FBXO39: variants seen among roughly 807,000 people sequenced by gnomAD.
FBXO39 encodes F-box only protein 39.
FBXO39 carries 22 observed loss-of-function variants against 36.6 expected under a neutral mutation model. That is an observed-to-expected ratio of 0.60 (90% confidence interval 0.43 to 0.86). The LOEUF is 0.86. Ranked by LOEUF, FBXO39 falls within the 40% of genes least tolerant of loss-of-function variation. The probability of loss-of-function intolerance (pLI) is 0.00; values close to 1 mark genes in which losing one functional copy is unlikely to be tolerated. For missense variants in FBXO39, 536 were observed against 543.9 expected, an observed-to-expected ratio of 0.99 and a Z score of 0.14; for synonymous variants, 206 against 205.8, an observed-to-expected ratio of 1.00 and a Z score of -0.01.
chr17:6,776,980 A>C lies in FBXO39; in HGVS notation c.-81+708A>C, dbSNP rs368137856. Among the ~76,000 whole-genome samples, 23 of 151,582 alleles carry C rather than the reference A, an allele frequency of 1.5e-4. No individual in the cohort carries two copies. The East Asian group carries it at 2.7e-3, about 18-fold the overall frequency. On this transcript the variant is annotated intron_variant, in intron 1 of 3. Transcript: ENST00000321535. ...TAGAATTTGGAGTCTCCTTACAGCA[A>C]CTCTTCCAGACACACATATTCTTCC... is the stretch of plus-strand genomic sequence containing the variant.
chr17:6,786,681 C>T (rs1976576048), intron 2 of FBXO39, 99 bp from the exon 3 acceptor site: 1 of 970,544 alleles, frequency 1.0e-6, no homozygotes, highest in Non-Finnish European at 1.5e-6. Context: ...ATCATCATGG[C>T]TATCAGGCCC....
At position 6,777,226 on chromosome 17, in the gene FBXO39, A is replaced by G. The variant is rs915839475; in HGVS notation, c.-81+954A>G. On this transcript the variant is annotated intron_variant, in intron 1 of 3. Transcript: ENST00000321535. ...CATCTAGAATTTAAGCCCCGCATGCATTAGGTATTTGTCCTAATGCTCTCC... is the reference window on the plus strand; with the variant it reads ...CATCTAGAATTTAAGCCCCGCATGCGTTAGGTATTTGTCCTAATGCTCTCC... Among the ~76,000 whole-genome samples the G allele has an allele frequency of 3.3e-5, 5 of 151,972 alleles. No homozygotes were observed. The East Asian group carries it at 7.7e-4, about 23-fold the overall frequency.
chr17:6,786,839 C>T lies in FBXO39; in HGVS notation c.1083C>T (p.Leu361=). 1.2e-6 allele frequency: 2 copies of T among 1,613,828 alleles called. No individual in the cohort carries two copies. The highest frequency in any genetic ancestry group is 1.7e-5 in the Admixed American group (1 of 59,962). ...CACTCGACGAGGAGCTGCACCTCCT[C>T]ATCATATCCTGCAGGAAGTTGTTTT... ...HESLDEELHL[L]IISCRKLFYF... is the part of the protein sequence containing the mutation. The change falls in exon 3 of 4, where the codon CTC becomes CTT. Residue 361 remains leucine, a synonymous_variant. Transcript: ENST00000321535.
rs1420800729 is a variant in FBXO39, at chr17:6,787,504, A to G, written c.*76A>G. Reference sequence around the variant, plus strand: ...ATTTCTCTTAGAACTACACTTGGGCACTGCCGGCCCTTTTGCTCCTCTCTC... The same window carrying G: ...ATTTCTCTTAGAACTACACTTGGGCGCTGCCGGCCCTTTTGCTCCTCTCTC... On this transcript the variant is annotated 3_prime_UTR_variant, in exon 4 of 4. Transcript: ENST00000321535. The G allele has an allele frequency of 3.2e-6, 5 of 1,569,038 alleles. No individual in the cohort carries two copies. The Admixed American group carries it at 8.9e-5, about 28-fold the overall frequency.
chr17:6,780,426 C>G lies in FBXO39; in HGVS notation c.558C>G (p.Leu186=). The part of the protein sequence containing the change: ...VEQGCQILDS[L]SYMRNENVIS... ...AAGGCTGCCAAATTCTCGACTCCCTCAGCTACATGAGGAATGAGAATGTGA... is the reference window on the plus strand; with the variant it reads ...AAGGCTGCCAAATTCTCGACTCCCTGAGCTACATGAGGAATGAGAATGTGA... The change falls in exon 2 of 4, where the codon CTC becomes CTG. Residue 186 remains leucine (L), a synonymous_variant. Coordinates refer to ENST00000321535, the MANE Select transcript of FBXO39 (RefSeq NM_153230.3). 6.2e-7 allele frequency: 1 copy of G among 1,614,174 alleles called. No homozygotes were observed. The highest frequency in any genetic ancestry group is 8.5e-7 in the Non-Finnish European group (1 of 1,180,042).
In FBXO39 at chr17:6,785,698, A is replaced by G. The variant is rs57159974; in HGVS notation, c.1024-1082A>G. On this transcript the variant is annotated intron_variant, in intron 2 of 3. Coordinates refer to ENST00000321535, the MANE Select transcript of FBXO39 (RefSeq NM_153230.3). The stretch of plus-strand genomic sequence containing the variant: ...ATTAAAAAATAGGCAAAAGACTTGA[A>G]CAGATATTTCTCAAAAGAAGACATA... 4.8e-3 allele frequency among the ~76,000 whole-genome samples: 728 copies of G among 152,344 alleles called. 5 individuals carry two copies. Among genetic ancestry groups the G allele is most frequent in the African/African-American group, 0.016 (678 of 41,592 alleles).
In FBXO39 at chr17:6,787,400, A is replaced by G. The variant is rs758349334; in HGVS notation, c.1301A>G (p.Tyr434Cys). ...YRKLIESELS[Y>C]FVIVYSVM ...AAGCTGATCGAATCAGAGCTTAGCT[A>G]TTTTGTCATCGTTTACTCTGTGATG... Residue 434 changes from tyrosine (Y) to cysteine (C), a missense_variant, in exon 4 of 4, where the codon TAT (tyrosine) becomes TGT (cysteine). By Grantham distance (194) the Tyr-to-Cys change is radical. Transcript: ENST00000321535. The G allele has an allele frequency of 5.0e-6, 8 of 1,613,962 alleles. No homozygotes were observed. The highest frequency in any genetic ancestry group is 6.8e-6 in the Non-Finnish European group (8 of 1,179,978).
rs138846870 is a variant in FBXO39 at position 6,786,945 on chromosome 17, C to T, written c.1189C>T (p.Arg397Cys). ...TCAGAAAGAACGGCAGTGTGCCCTGCGTGTATTCAAGGTAAGAGGTCCCCA... is the reference window on the plus strand; with the variant it reads ...TCAGAAAGAACGGCAGTGTGCCCTGTGTGTATTCAAGGTAAGAGGTCCCCA... ...KSQKERQCAL[R>C]VFKARIYTNR... is the part of the protein sequence containing the mutation. The change falls in exon 3 of 4, where the codon CGT becomes TGT. Residue 397 changes from arginine (R) to cysteine (C), a missense_variant. Arg to Cys is a radical substitution (Grantham distance 180, BLOSUM62 -3). Transcript: ENST00000321535. 16 of 1,612,382 alleles carry T rather than the reference C, an allele frequency of 9.9e-6. No individual in the cohort carries two copies. Among genetic ancestry groups the T allele is most frequent in the East Asian group, 2.2e-5 (1 of 44,890 alleles).
chr17:6,780,366 T>C lies in FBXO39; in HGVS notation c.498T>C (p.Tyr166=). The change falls in exon 2 of 4, where the codon TAT becomes TAC. Residue 166 remains tyrosine, a synonymous_variant. Coordinates refer to ENST00000321535, the MANE Select transcript of FBXO39 (RefSeq NM_153230.3). ...AGAAGATGGGCAAACGCCTGGATTA[T>C]CTCAACCTAAAAGGGGCCAGGCTGA... The part of the protein sequence containing the change: ...FLKKMGKRLD[Y]LNLKGARLTV... 1 of 1,614,140 alleles carries C rather than the reference T, an allele frequency of 6.2e-7. No homozygotes were observed.
At position 6,787,377 on chromosome 17, in the gene FBXO39, G is replaced by A; in HGVS notation, c.1278G>A (p.Lys426=). 6.2e-7 allele frequency: 1 copy of A among 1,614,082 alleles called. No individual in the cohort carries two copies. The highest frequency in any genetic ancestry group is 1.1e-5 in the South Asian group (1 of 91,072). ...AGGAAATTTACAGGAAGTACAGAAA[G>A]CTGATCGAATCAGAGCTTAGCTATT... ...TLQEIYRKYR[K]LIESELSYFV... Residue 426 remains lysine (K), a synonymous_variant, in exon 4 of 4, where the codon AAG becomes AAA. Coordinates refer to ENST00000321535, the MANE Select transcript of FBXO39 (RefSeq NM_153230.3).
At chr17:6,777,387 G>C (rs1976441926) in intron 1 of FBXO39, among the ~76,000 whole-genome samples, 1 of 152,064 alleles carries the variant, frequency 6.6e-6, no homozygotes, top group South Asian at 2.1e-4. Context: ...GCGTTAGTTT[G>C]CTGAGAATGA....
intron 2 of FBXO39, among the ~76,000 whole-genome samples, chr17:6,785,472 T>C (rs552613013): frequency 6.6e-6 from 1 of 152,182 alleles, no homozygotes; most frequent in Admixed American, 6.5e-5. Context: ...GCACAGGCAA[T>C]CTAAGCAAAC....
At chr17:6,781,536 A>C (rs555975848) in intron 2 of FBXO39, among the ~76,000 whole-genome samples, 1 of 152,140 alleles carries the variant, frequency 6.6e-6, no homozygotes, top group Admixed American at 6.5e-5. Context: ...ATGGACTCCA[A>C]GGTGCTAATA....
In FBXO39 at chr17:6,780,037, C is replaced by A. The variant is rs200419578; in HGVS notation, c.169C>A (p.Arg57=). The A allele has an allele frequency of 5.0e-6, 8 of 1,614,184 alleles. No individual in the cohort carries two copies. In the East Asian group the frequency reaches 1.8e-4, roughly 36 times the overall value. ...GATGATGTATTCTGCTGAGCTCTGG[C>A]GGTACAGAACCATCACCTTCAGCGG... ...NQMMYSAELW[R]YRTITFSGRP... The change falls in exon 2 of 4, where the codon CGG becomes AGG. Residue 57 remains arginine, a synonymous_variant. Coordinates refer to ENST00000321535, the MANE Select transcript of FBXO39 (RefSeq NM_153230.3).
chr17:6,776,277 G>A lies in FBXO39; in HGVS notation c.-81+5G>A, dbSNP rs1976406861. 1 of 152,718 alleles carries A rather than the reference G, an allele frequency of 6.5e-6. No individual in the cohort carries two copies. Among genetic ancestry groups the A allele is most frequent in the East Asian group, 1.9e-4 (1 of 5,188 alleles). The allele number at this position is 152,718 out of a possible 1,614,324, so 9.5% of individuals were successfully genotyped here. On this transcript the variant is annotated splice_donor_5th_base_variant and intron_variant, in intron 1 of 3. Transcript: ENST00000321535. ...ACAGCTGCGCGGGCGGAGCAGGTAG[G>A]CGCGCTCCAGTCCCTGCAGCCCGAG...
chr17:6,781,352 G>A (rs764946251), intron 2 of FBXO39, among the ~76,000 whole-genome samples: 8 of 152,248 alleles, frequency 5.3e-5, no homozygotes, highest in Non-Finnish European at 1.0e-4. Flanking sequence ...GGAGGACCAG[G>A]CCAGACAAAA....
intron 2 of FBXO39, 27 bp downstream of exon 2, chr17:6,780,918 G>C (rs1244091380): frequency 6.3e-7 from 1 of 1,588,248 alleles, no homozygotes; most frequent in East Asian, 2.2e-5. Flanking sequence ...AGGAGTGACT[G>C]CTGTTCAGGT....
intron 1 of FBXO39, among the ~76,000 whole-genome samples, chr17:6,777,261 C>T (rs1451583913): frequency 6.6e-6 from 1 of 151,928 alleles, no homozygotes; most frequent in Non-Finnish European, 1.5e-5. Flanking sequence ...CCTCCCCTTG[C>T]CCGCCACCCC....
chr17:6,781,863 A>C (rs1402950857), intron 2 of FBXO39, among the ~76,000 whole-genome samples: 1 of 152,212 alleles, frequency 6.6e-6, no homozygotes, highest in African/African-American at 2.4e-5. Flanking sequence ...GGAGTTCTTC[A>C]ATCTGAAAGA....
Sources: allele counts gnomAD v4.1 joint callset (sites outside exome capture counted in the v4.1 genomes callset), GRCh38; gene constraint gnomAD v4.1.1; transcripts MANE v1.5; gene names NCBI Gene and HGNC (gene_info 2026-07-23, HGNC 2026-07-21).